PTK2: variants seen among roughly 807,000 people sequenced by gnomAD.
PTK2 encodes the protein protein tyrosine kinase 2.
PTK2 carries 45 observed loss-of-function variants against 150.1 expected under a neutral mutation model. That is an observed-to-expected ratio of 0.30 (90% CI 0.24 to 0.38). The LOEUF (loss-of-function observed/expected upper bound fraction) is 0.38. PTK2 is among the 10% of genes least tolerant of loss of function. The pLI is 1.00. For missense variants in PTK2, 919 were observed against 1,307.3 expected, an observed-to-expected ratio of 0.70 and a Z score of 4.58; for synonymous variants, 432 against 449.2, an observed-to-expected ratio of 0.96 and a Z score of 0.48.
At chr8:140,736,790 T>G (rs889511980) in intron 21 of PTK2, among the ~76,000 whole-genome samples, 1 of 152,222 alleles carries the variant, frequency 6.6e-6, no homozygotes, top group African/African-American at 2.4e-5. Context: ...TTCTTTATAA[T>G]GCTTTTCCTC....
In PTK2 at chr8:140,846,130, C is replaced by A. The variant is rs533911329; in HGVS notation, c.593+130G>T. 2.3e-4 allele frequency: 154 copies of A among 657,302 alleles called. No homozygotes were observed. In the African/African-American group the frequency reaches 2.6e-3, roughly 11 times the overall value. The allele number at this position is 657,302 out of a possible 1,614,324, so 40.7% of individuals were successfully genotyped here. On this transcript the variant is annotated intron_variant, in intron 7 of 31. Transcript: ENST00000522684. ...AACACAATTAATGTCATCAAGGATT[C>A]TGTCCTTTTCCTCTTCTGGATATAA...
At chr8:140,831,103 G>T (rs938154604) in intron 7 of PTK2, among the ~76,000 whole-genome samples, 4 of 152,160 alleles carry the variant, frequency 2.6e-5, no homozygotes, top group Admixed American at 2.6e-4. Flanking sequence ...TAAAAAAGGT[G>T]AATTTATGGA....
At chr8:140,894,838 C>T (rs946645919) in intron 2 of PTK2, among the ~76,000 whole-genome samples, 2 of 152,090 alleles carry the variant, frequency 1.3e-5, no homozygotes, top group African/African-American at 4.8e-5. Flanking sequence ...CATGAATACA[C>T]CCTTATAACT....
intron 18 of PTK2, 22 bp from the exon 22 acceptor site, chr8:140,744,789 G>GAAAAAAAAAAAAAAA (rs372806706): frequency 4.5e-6 from 3 of 668,266 alleles, no homozygotes; most frequent in African/African-American, 2.7e-5. Flanking sequence ...ATGACCAAAA[G>GAAAAAAAAAAAAAAA]AAAAAAAAAA....
intron 4 of PTK2, among the ~76,000 whole-genome samples, chr8:140,866,987 A>G (rs1376093934): frequency 6.6e-6 from 1 of 152,310 alleles, no homozygotes; most frequent in East Asian, 1.9e-4. Context: ...GCAGAGAAAA[A>G]GTGTTCTAGT....
At chr8:140,863,863 A>G (rs7009176) in intron 5 of PTK2, among the ~76,000 whole-genome samples, 1 of 152,216 alleles carries the variant, frequency 6.6e-6, no homozygotes. Context: ...TGACAAAATT[A>G]TATGTACAAA....
At chr8:141,000,127 C>CACACACACA (rs58481152) in intron 1 of PTK2, among the ~76,000 whole-genome samples, 3,533 of 123,706 alleles carry the variant, frequency 0.029, 187 homozygotes, top group African/African-American at 0.06. Flanking sequence ...ACACACACAC[C>CACACACACA]CCTTCTTCTA....
intron 7 of PTK2, among the ~76,000 whole-genome samples, chr8:140,836,150 G>C (rs764408568): frequency 2.0e-5 from 3 of 152,004 alleles, no homozygotes; most frequent in Non-Finnish European, 4.4e-5. Flanking sequence ...AAGTGTTTTG[G>C]GTCTCTACTT....
At chr8:140,801,601 A>G (rs11166998) in intron 11 of PTK2, among the ~76,000 whole-genome samples, 6,936 of 152,236 alleles carry the variant, frequency 0.046, 418 homozygotes, top group African/African-American at 0.14. Context: ...GGTTGTGACA[A>G]TGACACAGCT....
chr8:140,996,954 C>G (rs1024973333), intron 1 of PTK2, among the ~76,000 whole-genome samples: 6 of 152,136 alleles, frequency 3.9e-5, no homozygotes, highest in Non-Finnish European at 5.9e-5. Context: ...TCTGATAGAT[C>G]TGGGCTAAGT....
At chr8:140,685,329 C>T (rs1487538994) in intron 27 of PTK2, among the ~76,000 whole-genome samples, 1 of 152,126 alleles carries the variant, frequency 6.6e-6, no homozygotes, top group African/African-American at 2.4e-5. Context: ...TGGACATAGG[C>T]CCTTGCAAAG....
At chr8:140,928,785 G>A (rs1603307577) in intron 1 of PTK2, among the ~76,000 whole-genome samples, 1 of 152,034 alleles carries the variant, frequency 6.6e-6, no homozygotes, top group Non-Finnish European at 1.5e-5. Flanking sequence ...GGATGAGGCT[G>A]GAAGGAGAGA....
chr8:140,915,414 C>CACAT (rs969309759), intron 2 of PTK2, among the ~76,000 whole-genome samples: 20 of 152,146 alleles, frequency 1.3e-4, no homozygotes, highest in South Asian at 4.2e-4. Flanking sequence ...CATAGGTACA[C>CACAT]ACATACATAC....
At chr8:140,778,976 T>G (rs2100080035) in intron 14 of PTK2, among the ~76,000 whole-genome samples, 2 of 151,940 alleles carry the variant, frequency 1.3e-5, no homozygotes, top group Admixed American at 1.3e-4. Flanking sequence ...GAAGAGGTGC[T>G]GGGGCTGGGC....
intron 7 of PTK2, among the ~76,000 whole-genome samples, chr8:140,842,615 C>G (rs999121790): frequency 4.6e-5 from 7 of 152,060 alleles, no homozygotes; most frequent in African/African-American, 1.7e-4. Context: ...GCGATAAGGA[C>G]TTGAACCCAG....
chr8:140,777,022 G>A (rs764149016), intron 14 of PTK2, among the ~76,000 whole-genome samples: 13 of 152,150 alleles, frequency 8.5e-5, no homozygotes, highest in African/African-American at 1.7e-4. Context: ...TATCATAAGC[G>A]GACCAGTGAT....
chr8:140,667,051 C>T (rs975996759), intron 30 of PTK2, among the ~76,000 whole-genome samples: 1 of 152,068 alleles, frequency 6.6e-6, no homozygotes, highest in Non-Finnish European at 1.5e-5. Context: ...CACTTATAAG[C>T]GGTACCTAGG....
intron 1 of PTK2, among the ~76,000 whole-genome samples, chr8:140,943,702 G>A (rs773873512): frequency 6.6e-6 from 1 of 152,208 alleles, no homozygotes; most frequent in Non-Finnish European, 1.5e-5. Context: ...CAAAGCAGGA[G>A]AGTACTAACT....
intron 5 of PTK2, among the ~76,000 whole-genome samples, chr8:140,860,782 T>C (rs1302561859): frequency 6.6e-6 from 1 of 152,148 alleles, no homozygotes; most frequent in Non-Finnish European, 1.5e-5. Context: ...ACAATCATAG[T>C]ATTTTCTTTC....
Sources: allele counts gnomAD v4.1 joint callset (sites outside exome capture counted in the v4.1 genomes callset), GRCh38; gene constraint gnomAD v4.1.1; transcripts MANE v1.5; gene names NCBI Gene and HGNC (gene_info 2026-07-23, HGNC 2026-07-21).